The following ARID1B variants were observed in gnomAD, a reference collection of about 807,000 sequenced individuals.
The protein encoded by ARID1B is AT-rich interaction domain 1B.
Under a neutral mutation model 212.3 loss-of-function variants are expected in ARID1B, and 30 were observed. That is an observed-to-expected ratio of 0.14 (90% CI 0.11 to 0.19). ARID1B has a LOEUF of 0.19. Among genes scored for constraint, ARID1B ranks in the 10% least tolerant of loss-of-function variants. The pLI is 1.00. For synonymous variants in ARID1B, 1,402 were observed against 1,301.7 expected, an observed-to-expected ratio of 1.08 and a Z score of -1.66; for missense variants, 2,891 against 3,204.0, an observed-to-expected ratio of 0.90 and a Z score of 2.36.
intron 3 of ARID1B, among the ~76,000 whole-genome samples, chr6:156,911,067 C>G (rs1014956681): frequency 6.6e-6 from 1 of 152,208 alleles, no homozygotes; most frequent in Non-Finnish European, 1.5e-5. Flanking sequence ...TATGTGTGAT[C>G]ACTGTGAACT....
At chr6:156,844,228 A>G (rs1257719139) in intron 2 of ARID1B, among the ~76,000 whole-genome samples, 2 of 152,222 alleles carry the variant, frequency 1.3e-5, no homozygotes, top group African/African-American at 2.4e-5. Flanking sequence ...TGCCGCTTAC[A>G]GGCTGGCTGG....
intron 4 of ARID1B, among the ~76,000 whole-genome samples, chr6:157,063,795 A>C (rs1472246575): frequency 6.6e-6 from 1 of 152,180 alleles, no homozygotes; most frequent in Non-Finnish European, 1.5e-5. Context: ...TTCATGACTT[A>C]TCACAGGGTG....
At chr6:157,131,641 C>A (rs534827894) in intron 6 of ARID1B, among the ~76,000 whole-genome samples, 42 of 152,270 alleles carry the variant, frequency 2.8e-4, no homozygotes, top group African/African-American at 9.9e-4. Context: ...CAGACAGGGT[C>A]ACGTGTGCAT....
rs1353662751 is a variant in ARID1B, at chr6:157,189,664, C to T, written c.3942C>T (p.Gly1314=). 6.2e-6 allele frequency: 10 copies of T among 1,613,008 alleles called. No individual in the cohort carries two copies. Among genetic ancestry groups the T allele is most frequent in the Non-Finnish European group, 8.5e-6 (10 of 1,179,886 alleles). ...CAGCTAACTCGGGATCCTTGCAAGG[C>T]CCACAGACCCCCCAGTCAACTGGCA... ...PSPANSGSLQ[G]PQTPQSTGSN... Residue 1314 remains glycine, a synonymous_variant, in exon 14 of 20, where the codon GGC becomes GGT. Coordinates refer to ENST00000636930, the MANE Select transcript of ARID1B (RefSeq NM_001374828.1).
rs73578041 is a variant in ARID1B, at chr6:156,990,898, T to C, written c.2247+55322T>C. On this transcript the variant is annotated intron_variant, in intron 4 of 19. Coordinates refer to ENST00000636930, the MANE Select transcript of ARID1B (RefSeq NM_001374828.1). ...ATAAATGGCTTTTCATGGTGAATCA[T>C]ATTTCACAGCCAAGATGATTAATAA... Among the ~76,000 whole-genome samples the C allele has an allele frequency of 3.5e-3, 528 of 152,346 alleles. 6 individuals are homozygous for C. The highest frequency in any genetic ancestry group is 0.012 in the African/African-American group (495 of 41,570).
chr6:157,040,535 G>A (rs1781820397), intron 4 of ARID1B, among the ~76,000 whole-genome samples: 1 of 152,102 alleles, frequency 6.6e-6, no homozygotes, highest in South Asian at 2.1e-4. Context: ...TCTCTTAAGC[G>A]AAATTAAATT....
rs1177086218 is a variant in ARID1B at position 156,939,782 on chromosome 6, G to A, written c.2247+4206G>A. ...TTTAGGAAAAGAAGTGGACACTTTGGATAATTAAGCTAAAAATACCCTAAA... is the reference window on the plus strand; with the variant it reads ...TTTAGGAAAAGAAGTGGACACTTTGAATAATTAAGCTAAAAATACCCTAAA... On this transcript the variant is annotated intron_variant, in intron 4 of 19. Coordinates refer to ENST00000636930, the MANE Select transcript of ARID1B (RefSeq NM_001374828.1). 4 of 151,090 alleles carry A rather than the reference G, an allele frequency of 2.6e-5. No individual in the cohort carries two copies. In the East Asian group the frequency reaches 7.7e-4, roughly 29 times the overall value. The allele number at this position is 151,090 out of a possible 1,614,324, so 9.4% of individuals were successfully genotyped here.
chr6:156,897,354 ACCT>A (rs991340730), intron 2 of ARID1B, among the ~76,000 whole-genome samples: 2 of 149,938 alleles, frequency 1.3e-5, no homozygotes, highest in African/African-American at 4.9e-5. Context: ...GCTCACTGTA[ACCT>A]CCACCTCCCA....
chr6:157,174,902 T>C lies in ARID1B; in HGVS notation c.3401T>C (p.Val1134Ala). 1 of 1,553,568 alleles carries C rather than the reference T, an allele frequency of 6.4e-7. No homozygotes were observed. Among genetic ancestry groups the C allele is most frequent in the Non-Finnish European group, 8.7e-7 (1 of 1,149,238 alleles). ...SQPPTPGNLP[V>A]PSPMSPSSAS... ...CCCCCAACCCCAGGCAACCTGCCAG[T>C]CCCTTCCCCAATGTCCCCCAGCTCT... The change falls in exon 11 of 20, where the codon GTC becomes GCC. Residue 1134 changes from valine (V) to alanine (A), a missense_variant. Physicochemically the swap from Val to Ala is moderately conservative, Grantham distance 64. Coordinates refer to ENST00000636930, the MANE Select transcript of ARID1B (RefSeq NM_001374828.1).
chr6:156,912,107 G>A (rs1185534820), intron 3 of ARID1B, among the ~76,000 whole-genome samples: 1 of 151,918 alleles, frequency 6.6e-6, no homozygotes, highest in Non-Finnish European at 1.5e-5. Context: ...CTTAAATGTT[G>A]TGTAAAGGAT....
At chr6:157,138,487 C>T (rs1789099100) in intron 7 of ARID1B, among the ~76,000 whole-genome samples, 1 of 152,148 alleles carries the variant, frequency 6.6e-6, no homozygotes, top group Admixed American at 6.5e-5. Context: ...ATCCACCCAC[C>T]TCGGCCTCCC....
At position 156,779,427 on chromosome 6, in the gene ARID1B, G is replaced by A; in HGVS notation, c.1747G>A (p.Ala583Thr). 6.8e-7 allele frequency: 1 copy of A among 1,466,416 alleles called. No homozygotes were observed. The highest frequency in any genetic ancestry group is 9.0e-7 in the Non-Finnish European group (1 of 1,107,074). The allele number at this position is 1,466,416 out of a possible 1,614,324, so 90.8% of individuals were successfully genotyped here. Residue 583 changes from alanine to threonine, a missense_variant, in exon 1 of 20, where the codon GCG becomes ACG. By Grantham distance (58) the Ala-to-Thr change is moderately conservative (BLOSUM62 0). This residue lies in a region of ARID1B where 1,643 missense variants were observed against 1,544.0 expected (regional missense o/e 1.06). Coordinates refer to ENST00000636930, the MANE Select transcript of ARID1B (RefSeq NM_001374828.1). ...GGCCGCGCAACAAAGGAGTCACCCG[G>A]CGATGAGCCCCGGCACCCCCGGACC... ...WAAAQQRSHP[A>T]MSPGTPGPTM...
chr6:156,864,179 G>A (rs934050447), intron 2 of ARID1B, among the ~76,000 whole-genome samples: 2 of 152,104 alleles, frequency 1.3e-5, no homozygotes, highest in African/African-American at 4.8e-5. Context: ...AAAGCCTTAT[G>A]TACTTAAAGT....
At chr6:156,917,774 CAG>C (rs1265161073) in intron 3 of ARID1B, among the ~76,000 whole-genome samples, 1 of 152,110 alleles carries the variant, frequency 6.6e-6, no homozygotes, top group Non-Finnish European at 1.5e-5. Flanking sequence ...TCATTTAAAA[CAG>C]AAAATAGTAC....
intron 1 of ARID1B, among the ~76,000 whole-genome samples, chr6:156,828,930 A>G (rs1393219350): frequency 3.9e-5 from 6 of 152,220 alleles, no homozygotes; most frequent in Non-Finnish European, 8.8e-5. Context: ...TGTACGCATA[A>G]TAGAATTTTA....
intron 2 of ARID1B, among the ~76,000 whole-genome samples, chr6:156,895,859 A>G (rs532479611): frequency 1.1e-4 from 17 of 152,336 alleles, no homozygotes; most frequent in African/African-American, 3.8e-4. Flanking sequence ...GCCACGCCCC[A>G]TAATCCCCAA....
chr6:156,966,478 C>T (rs1427496104), intron 4 of ARID1B, among the ~76,000 whole-genome samples: 1 of 149,928 alleles, frequency 6.7e-6, no homozygotes, highest in East Asian at 1.9e-4. Flanking sequence ...ACTGCAACCT[C>T]CGCCTCCCGG....
At chr6:156,924,124 TAGG>T in intron 3 of ARID1B, among the ~76,000 whole-genome samples, 1 of 152,202 alleles carries the variant, frequency 6.6e-6, no homozygotes, top group Non-Finnish European at 1.5e-5. Context: ...CCTTAGAAGG[TAGG>T]TTCCTGTATC....
chr6:157,131,643 C>T (rs189180171), intron 6 of ARID1B, among the ~76,000 whole-genome samples: 4 of 152,200 alleles, frequency 2.6e-5, no homozygotes, highest in East Asian at 1.9e-4. Context: ...GACAGGGTCA[C>T]GTGTGCATTT....
Sources: allele counts gnomAD v4.1 joint callset (sites outside exome capture counted in the v4.1 genomes callset), GRCh38; gene constraint gnomAD v4.1.1; regional missense constraint gnomAD v4.1.1; transcripts MANE v1.5; gene names NCBI Gene and HGNC (gene_info 2026-07-23, HGNC 2026-07-21).